BICC1: variants seen among roughly 807,000 people sequenced by gnomAD.
BICC1 encodes the protein protein bicaudal C homolog 1.
Under a neutral mutation model 111.0 loss-of-function variants are expected in BICC1, and 43 were observed. That is an observed-to-expected ratio of 0.39 (90% CI 0.30 to 0.50). The LOEUF (loss-of-function observed/expected upper bound fraction) is 0.50, where lower values mean the gene tolerates loss of function less well. BICC1 is among the 20% of genes least tolerant of loss of function. The pLI is 0.88. For missense variants in BICC1, 1,091 were observed against 1,203.2 expected (o/e 0.91, Z 1.38); for synonymous variants, 467 against 434.4 (o/e 1.07, Z -0.93).
chr10:58,805,327 A>G (rs1190608757), intron 15 of BICC1, among the ~76,000 whole-genome samples: 4 of 152,098 alleles, frequency 2.6e-5, no homozygotes, highest in African/African-American at 7.2e-5. Flanking sequence ...AAAAACTGCA[A>G]GTCATCGAGG....
At chr10:58,684,341 T>G (rs963613828) in intron 2 of BICC1, among the ~76,000 whole-genome samples, 2 of 152,224 alleles carry the variant, frequency 1.3e-5, no homozygotes, top group Non-Finnish European at 2.9e-5. Flanking sequence ...TTCTCTTTTT[T>G]TTGTTGTGTC....
chr10:58,750,847 A>T (rs978561890), intron 3 of BICC1, among the ~76,000 whole-genome samples: 32 of 151,998 alleles, frequency 2.1e-4, no homozygotes, highest in African/African-American at 7.0e-4. Context: ...AGCAGTCTTT[A>T]CTCTCTTGAA....
At chr10:58,737,560 G>C (rs979966869) in intron 3 of BICC1, among the ~76,000 whole-genome samples, 35 of 152,226 alleles carry the variant, frequency 2.3e-4, no homozygotes, top group Non-Finnish European at 3.5e-4. Flanking sequence ...AATAAACATA[G>C]GTGTGCATGT....
At chr10:58,541,520 G>A (rs751497475) in intron 1 of BICC1, among the ~76,000 whole-genome samples, 60 of 152,034 alleles carry the variant, frequency 3.9e-4, no homozygotes, top group Non-Finnish European at 7.1e-4. Context: ...CTTCTACACT[G>A]AAAACTACAA....
intron 1 of BICC1, among the ~76,000 whole-genome samples, chr10:58,587,419 AT>A (rs1844466879): frequency 6.6e-6 from 1 of 152,220 alleles, no homozygotes; most frequent in South Asian, 2.1e-4. Context: ...TATTTTTAAT[AT>A]TCAGAATTTC....
intron 1 of BICC1, among the ~76,000 whole-genome samples, chr10:58,517,292 G>A (rs1415171767): frequency 1.3e-5 from 2 of 152,086 alleles, no homozygotes; most frequent in Non-Finnish European, 2.9e-5. Flanking sequence ...TTGCATTTTT[G>A]CAGTGATAGG....
intron 12 of BICC1, 78 bp downstream of exon 12, chr10:58,799,330 C>G (rs976040323): frequency 1.7e-6 from 2 of 1,172,290 alleles, no homozygotes; most frequent in Non-Finnish European, 2.3e-6. Context: ...TTAAAACATG[C>G]TAGAATGTGT....
chr10:58,729,787 A>T (rs1841229970), intron 3 of BICC1, among the ~76,000 whole-genome samples: 1 of 152,116 alleles, frequency 6.6e-6, no homozygotes, highest in Non-Finnish European at 1.5e-5. Flanking sequence ...GCAAGAATTC[A>T]CTCACTATTG....
At chr10:58,806,736 A>G in intron 16 of BICC1, 113 bp downstream of exon 16, 1 of 1,013,106 alleles carries the variant, frequency 9.9e-7, no homozygotes, top group Non-Finnish European at 1.5e-6. Flanking sequence ...GAAACCTAGA[A>G]TATTTGGGTT....
At chr10:58,787,887 A>G (rs1191163560) in intron 5 of BICC1, among the ~76,000 whole-genome samples, 3 of 152,220 alleles carry the variant, frequency 2.0e-5, no homozygotes, top group African/African-American at 7.2e-5. Context: ...ACCTTGAGTC[A>G]GTGGGTCATG....
rs151302229 is a variant in BICC1 at position 58,603,968 on chromosome 10, G to C, written c.191-16887G>C. Among the ~76,000 whole-genome samples the C allele has an allele frequency of 2.2e-3, 342 of 152,170 alleles. 5 individuals are homozygous for C. Among genetic ancestry groups the C allele is most frequent in the African/African-American group, 8.0e-3 (332 of 41,508 alleles). On this transcript the variant is annotated intron_variant, in intron 1 of 20. Transcript: ENST00000373886. ...TTAGGCCTGTGGAGTTTTTCATAAC[G>C]GTCTTCAAATAAGTTCAGATCTATA...
chr10:58,651,112 C>T (rs1443026846), intron 2 of BICC1, among the ~76,000 whole-genome samples: 5 of 152,172 alleles, frequency 3.3e-5, no homozygotes, highest in Admixed American at 1.3e-4. Context: ...ATTGCTACCA[C>T]GCTCTAAGCT....
chr10:58,602,352 C>G (rs188650282), intron 1 of BICC1, among the ~76,000 whole-genome samples: 353 of 152,156 alleles, frequency 2.3e-3, no homozygotes, highest in African/African-American at 8.1e-3. Context: ...GAAAGGAAAT[C>G]GAGGTAACAT....
Position 58,793,568 on chromosome 10 carries a change from C to T in BICC1, c.1132C>T (p.Leu378Phe). The change falls in exon 9 of 21, where the codon CTT becomes TTT. Residue 378 changes from leucine (L) to phenylalanine (F), a missense_variant. By Grantham distance (22) the Leu-to-Phe change is conservative. Coordinates refer to ENST00000373886, the MANE Select transcript of BICC1 (RefSeq NM_001080512.3). Reference sequence around the variant, plus strand: ...ATTCATTGCGCAGTTGATGGAACAGCTTGATGTCTTCATCAGTATTAAACC... The same window carrying T: ...ATTCATTGCGCAGTTGATGGAACAGTTTGATGTCTTCATCAGTATTAAACC... ...PQFIAQLMEQ[L>F]DVFISIKPKP... 6.2e-7 allele frequency: 1 copy of T among 1,613,868 alleles called. No individual in the cohort carries two copies. The highest frequency in any genetic ancestry group is 2.2e-5 in the East Asian group (1 of 44,842).
intron 3 of BICC1, among the ~76,000 whole-genome samples, chr10:58,705,838 C>G (rs906280267): frequency 2.6e-5 from 4 of 152,118 alleles, no homozygotes; most frequent in African/African-American, 9.6e-5. Context: ...TTTTTCAAGG[C>G]CTTGCCCTAG....
intron 2 of BICC1, among the ~76,000 whole-genome samples, chr10:58,649,349 G>A (rs773330250): frequency 5.9e-5 from 9 of 152,194 alleles, no homozygotes; most frequent in Non-Finnish European, 1.2e-4. Context: ...CATAAGTCAA[G>A]TAGGTATCAC....
At chr10:58,662,605 T>G (rs1192626952) in intron 2 of BICC1, among the ~76,000 whole-genome samples, 1 of 152,126 alleles carries the variant, frequency 6.6e-6, no homozygotes, top group African/African-American at 2.4e-5. Context: ...TCACTGATTA[T>G]CTCGTATTAC....
In BICC1 at chr10:58,745,607, C is replaced by CCG. The variant is rs1368765142; in HGVS notation, c.308-39393_308-39392insGC. ...AGCTCTAAGAGCCCCCCACCGCCCCCCCCCCACATTTTTTTCTGATGGCTC... is the reference window on the plus strand; with the variant it reads ...AGCTCTAAGAGCCCCCCACCGCCCCCCGCCCCCACATTTTTTTCTGATGGCTC... On this transcript the variant is annotated intron_variant, in intron 3 of 20. Coordinates refer to ENST00000373886, the MANE Select transcript of BICC1 (RefSeq NM_001080512.3). Among the ~76,000 whole-genome samples the CCG allele has an allele frequency of 2.6e-3, 327 of 128,204 alleles. 8 individuals are homozygous for CCG. Among genetic ancestry groups the CCG allele is most frequent in the Middle Eastern group, 0.012 (3 of 258 alleles). 84.1% of individuals were successfully genotyped at this position (128,204 alleles called of 152,430 possible).
chr10:58,738,819 G>A (rs1841559765), intron 3 of BICC1, among the ~76,000 whole-genome samples: 2 of 151,796 alleles, frequency 1.3e-5, no homozygotes, highest in African/African-American at 4.8e-5. Flanking sequence ...TTGTAAGTTG[G>A]ATTCCTAGGT....
Sources: allele counts gnomAD v4.1 joint callset (sites outside exome capture counted in the v4.1 genomes callset), GRCh38; gene constraint gnomAD v4.1.1; transcripts MANE v1.5; gene names NCBI Gene and HGNC (gene_info 2026-07-23, HGNC 2026-07-21).